The following PTPRT variants were observed in gnomAD, a reference collection of about 807,000 sequenced individuals.
The protein encoded by PTPRT is protein tyrosine phosphatase receptor type T, also known as receptor-type tyrosine-protein phosphatase T.
Under a neutral mutation model 176.8 loss-of-function variants are expected in PTPRT, and 56 were observed. That is an observed-to-expected ratio of 0.32 (90% CI 0.26 to 0.40). PTPRT has a LOEUF of 0.40. Ranked by LOEUF, PTPRT falls within the 10% of genes least tolerant of loss-of-function variation. The probability of loss-of-function intolerance (pLI) is 1.00; values close to 1 mark genes in which losing one functional copy is unlikely to be tolerated. For missense variants in PTPRT, 1,540 were observed against 1,908.2 expected, an observed-to-expected ratio of 0.81 and a Z score of 3.60; for synonymous variants, 783 against 739.0, an observed-to-expected ratio of 1.06 and a Z score of -0.96.
intron 1 of PTPRT, among the ~76,000 whole-genome samples, chr20:42,982,957 A>G (rs1267601353): frequency 6.6e-6 from 1 of 152,166 alleles, no homozygotes; most frequent in East Asian, 1.9e-4. Context: ...GCATTAGACG[A>G]TCTTCCCAAG....
chr20:42,130,167 C>A (rs1313358881), intron 18 of PTPRT, among the ~76,000 whole-genome samples: 1 of 152,180 alleles, frequency 6.6e-6, no homozygotes, highest in African/African-American at 2.4e-5. Context: ...TTCAGATATA[C>A]CCAGCAGAGG....
intron 17 of PTPRT, among the ~76,000 whole-genome samples, chr20:42,143,289 C>T (rs1322178113): frequency 2.0e-5 from 3 of 152,020 alleles, no homozygotes; most frequent in African/African-American, 4.8e-5. Flanking sequence ...GGCGCGATGG[C>T]TCAAGCCTGT....
chr20:42,102,910 T>C (rs901117579), intron 25 of PTPRT, among the ~76,000 whole-genome samples: 1 of 152,232 alleles, frequency 6.6e-6, no homozygotes, highest in African/African-American at 2.4e-5. Flanking sequence ...ATGGACTAGA[T>C]GTTACGTGCA....
chr20:42,855,015 G>T (rs143342139), intron 2 of PTPRT, among the ~76,000 whole-genome samples: 65 of 152,320 alleles, frequency 4.3e-4, no homozygotes, highest in African/African-American at 1.5e-3. Context: ...AACTAGGGGA[G>T]ACCTGGCAGC....
intron 22 of PTPRT, among the ~76,000 whole-genome samples, chr20:42,111,280 A>C (rs1986978389): frequency 6.6e-6 from 1 of 150,444 alleles, no homozygotes; most frequent in Non-Finnish European, 1.5e-5. Context: ...AGAACACTGA[A>C]TAGGAAGAGT....
intron 12 of PTPRT, among the ~76,000 whole-genome samples, chr20:42,300,181 C>A (rs1028581348): frequency 5.9e-4 from 87 of 148,434 alleles, no homozygotes; most frequent in African/African-American, 2.1e-3. Context: ...TCACTTGAAC[C>A]TGGGAGGCAG....
At chr20:42,477,921 C>G (rs978841281) in intron 7 of PTPRT, among the ~76,000 whole-genome samples, 12 of 152,160 alleles carry the variant, frequency 7.9e-5, no homozygotes, top group African/African-American at 2.9e-4. Flanking sequence ...TCAGACTGTC[C>G]CTCTTCTCGG....
At chr20:42,275,477 G>A (rs1158310515) in intron 13 of PTPRT, among the ~76,000 whole-genome samples, 3 of 152,126 alleles carry the variant, frequency 2.0e-5, no homozygotes, top group Non-Finnish European at 2.9e-5. Flanking sequence ...GAACTCCCAA[G>A]GTACATGCTT....
At chr20:42,116,838 C>A (rs1285346901) in intron 21 of PTPRT, among the ~76,000 whole-genome samples, 1 of 152,166 alleles carries the variant, frequency 6.6e-6, no homozygotes, top group Non-Finnish European at 1.5e-5. Flanking sequence ...GCTTTCCTCC[C>A]CAAATCCAAT....
At chr20:42,834,107 C>G (rs942612514) in intron 2 of PTPRT, among the ~76,000 whole-genome samples, 1 of 151,998 alleles carries the variant, frequency 6.6e-6, no homozygotes, top group Non-Finnish European at 1.5e-5. Flanking sequence ...AATTAAAAAT[C>G]CCAGATCTGA....
intron 1 of PTPRT, among the ~76,000 whole-genome samples, chr20:42,918,700 G>C (rs372383156): frequency 2.0e-5 from 3 of 152,296 alleles, no homozygotes; most frequent in South Asian, 4.2e-4. Flanking sequence ...AGAAGGAAGG[G>C]AGACAAAGAC....
rs950190542 is a variant in PTPRT at position 42,420,486 on chromosome 20, T to C, written c.1560+27734A>G. 5.9e-5 allele frequency among the ~76,000 whole-genome samples: 9 copies of C among 152,176 alleles called. No individual in the cohort carries two copies. The East Asian group carries it at 1.7e-3, about 29-fold the overall frequency. ...AGAGAGAGAAAAAACAAACAAATCA[T>C]AAAGGGAAAATAATTTGCCTCCCTT... On this transcript the variant is annotated intron_variant, in intron 9 of 30. Coordinates refer to ENST00000373187, the MANE Select transcript of PTPRT (RefSeq NM_007050.6).
At chr20:43,169,299 C>T (rs1757012943) in intron 1 of PTPRT, among the ~76,000 whole-genome samples, 1 of 152,214 alleles carries the variant, frequency 6.6e-6, no homozygotes, top group Non-Finnish European at 1.5e-5. Context: ...GGTTATCGTA[C>T]TGGGAGCCCA....
chr20:42,033,947 C>T, the PTPRT span, among the ~76,000 whole-genome samples: 1 of 152,158 alleles, frequency 6.6e-6, no homozygotes, highest in South Asian at 2.1e-4. Flanking sequence ...GGTCCCAGAG[C>T]CCTGTCAGTA....
At chr20:42,688,027 C>T (rs563622495) in intron 6 of PTPRT, 1 of 152,212 alleles carries the variant, frequency 6.6e-6, no homozygotes, top group South Asian at 2.1e-4. Context: ...GGTCTTTTTG[C>T]CTCAAGCCCA....
chr20:42,585,138 C>T (rs1286839462), intron 7 of PTPRT, among the ~76,000 whole-genome samples: 1 of 152,154 alleles, frequency 6.6e-6, no homozygotes, highest in Non-Finnish European at 1.5e-5. Context: ...GTGAACTGAA[C>T]TCCTTGTTCC....
chr20:42,367,616 A>G (rs1165723742), intron 9 of PTPRT, among the ~76,000 whole-genome samples: 2 of 152,216 alleles, frequency 1.3e-5, no homozygotes, highest in East Asian at 3.9e-4. Flanking sequence ...GGAAGGAGAC[A>G]GCAGAGCAGG....
chr20:42,297,409 A>G (rs1020958584), intron 12 of PTPRT, among the ~76,000 whole-genome samples: 4 of 152,188 alleles, frequency 2.6e-5, no homozygotes, highest in African/African-American at 9.7e-5. Context: ...ACAAATAGAA[A>G]GACATCCCTT....
At chr20:42,780,324 A>G (rs7273962) in intron 3 of PTPRT, 25 bp from the exon 4 acceptor site, 158,414 of 1,584,380 alleles carry the variant, frequency 0.1, 9,015 homozygotes, top group South Asian at 0.22. Context: ...GCGGGAGTCA[A>G]TTTCACAGAA....
Sources: allele counts gnomAD v4.1 joint callset (sites outside exome capture counted in the v4.1 genomes callset), GRCh38; gene constraint gnomAD v4.1.1; transcripts MANE v1.5; gene names NCBI Gene and HGNC (gene_info 2026-07-23, HGNC 2026-07-21).